CA3: variants seen among roughly 807,000 people sequenced by gnomAD.
CA3 encodes CA-III.
In CA3, 30 loss-of-function variants were observed where a neutral mutation model predicts 35.7. The ratio of observed to expected loss-of-function variants is 0.84; its 90% CI spans 0.63 to 1.14. CA3 has a LOEUF of 1.14. Ranked by LOEUF, CA3 falls within the 50% of genes most tolerant of loss-of-function variation. The probability of loss-of-function intolerance (pLI) is 0.00; values close to 1 mark genes in which losing one functional copy is unlikely to be tolerated. For synonymous variants in CA3, 131 were observed against 130.8 expected (o/e 1.00, Z -0.01); for missense variants, 295 against 328.5 (o/e 0.90, Z 0.79).
In CA3 at chr8:85,444,123, G is replaced by A; in HGVS notation, c.441G>A (p.Leu147=). 1 of 1,600,818 alleles carries A rather than the reference G, an allele frequency of 6.2e-7. No homozygotes were observed. Among genetic ancestry groups the A allele is most frequent in the Admixed American group, 1.7e-5 (1 of 59,954 alleles). The part of the protein sequence containing the change: ...RDGIAVIGIF[L]KIGHENGEFQ... ...GGATCGCTGTGATTGGCATTTTTCT[G>A]AAGGTAAAGTAAAAATTGACTATAT... The change falls in exon 4 of 7, where the codon CTG becomes CTA. Residue 147 remains leucine, a synonymous_variant. Coordinates refer to ENST00000285381, the MANE Select transcript of CA3 (RefSeq NM_005181.4).
At chr8:85,442,378 A>G (rs1811220048) in intron 3 of CA3, 187 bp downstream of exon 3, 2 of 553,356 alleles carry the variant, frequency 3.6e-6, no homozygotes, top group Admixed American at 6.0e-5. Context: ...GTAAAAGGGT[A>G]TAGGTGAGTT....
In CA3 at chr8:85,445,237, C is replaced by A. The variant is rs1431751714; in HGVS notation, c.507+19C>A. ...GACAAAGGTAAACAAAAATCATTTT[C>A]CCTCCTAAAACATAAAGCAGATTAT... On this transcript the variant is annotated intron_variant, in intron 5 of 6. Coordinates refer to ENST00000285381, the MANE Select transcript of CA3 (RefSeq NM_005181.4). 1.3e-6 allele frequency: 2 copies of A among 1,527,724 alleles called. No homozygotes were observed. The highest frequency in any genetic ancestry group is 1.8e-6 in the Non-Finnish European group (2 of 1,113,908). The allele number at this position is 1,527,724 out of a possible 1,614,324, so 94.6% of individuals were successfully genotyped here. A position where few individuals can be genotyped will look rare whatever the true frequency, so the allele number is the denominator to read the frequency against.
In CA3 at chr8:85,442,069, ACAGT is replaced by A; in HGVS notation, c.233-3_233del. 7.3e-7 allele frequency: 1 copy of A among 1,364,196 alleles called. No individual in the cohort carries two copies. The highest frequency in any genetic ancestry group is 1.1e-6 in the Non-Finnish European group (1 of 951,980). The allele number at this position is 1,364,196 out of a possible 1,614,324, so 84.5% of individuals were successfully genotyped here. A position where few individuals can be genotyped will look rare whatever the true frequency, so the allele number is the denominator to read the frequency against. ...ACTGTTGACCAAGCTTATCTGAATC[ACAGT>A]GCTGAGAGGGGGTCCTCTCCCTGGA... On this transcript the variant is annotated splice_acceptor_variant and splice_polypyrimidine_tract_variant and coding_sequence_variant and intron_variant, in exon 3 of 7. Transcript: ENST00000285381. LOFTEE classifies it high-confidence loss of function.
At chr8:85,440,206 A>G (rs1415085136) in intron 2 of CA3, among the ~76,000 whole-genome samples, 2 of 152,234 alleles carry the variant, frequency 1.3e-5, no homozygotes, top group African/African-American at 2.4e-5. Flanking sequence ...TCAAATGAGT[A>G]TTCTTCAGAC....
chr8:85,445,297 T>TC, intron 5 of CA3, 79 bp downstream of exon 5: 1 of 907,256 alleles, frequency 1.1e-6, no homozygotes, highest in South Asian at 1.6e-5. Flanking sequence ...AGTATTTTTT[T>TC]CACCTAAAAT....
intron 5 of CA3, 146 bp from the exon 6 acceptor site, chr8:85,445,996 T>C (rs1370679358): frequency 2.7e-6 from 2 of 731,940 alleles, no homozygotes; most frequent in Non-Finnish European, 2.1e-6. Context: ...TGATCTTTAT[T>C]TCTGAAAGGC....
At chr8:85,441,439 C>T (rs747512837) in intron 2 of CA3, among the ~76,000 whole-genome samples, 1 of 152,092 alleles carries the variant, frequency 6.6e-6, no homozygotes, top group Non-Finnish European at 1.5e-5. Context: ...CTAAATTAGA[C>T]GTAGATGAAA....
At chr8:85,444,624 C>A (rs1033914419) in intron 4 of CA3, among the ~76,000 whole-genome samples, 1 of 152,118 alleles carries the variant, frequency 6.6e-6, no homozygotes, top group African/African-American at 2.4e-5. Flanking sequence ...GTTGAGCCAA[C>A]CTTGCTTTAA....
At chr8:85,445,894 A>T (rs540049529) in intron 5 of CA3, among the ~76,000 whole-genome samples, 8 of 152,344 alleles carry the variant, frequency 5.3e-5, no homozygotes, top group African/African-American at 1.9e-4. Flanking sequence ...ATTATCACAG[A>T]TAGTTCTACT....
intron 4 of CA3, among the ~76,000 whole-genome samples, 168 bp from the exon 5 acceptor site, chr8:85,444,988 T>C (rs1811262704): frequency 6.6e-6 from 1 of 152,220 alleles, no homozygotes; most frequent in South Asian, 2.1e-4. Context: ...AGAAAATATA[T>C]ACTCTAAAAT....
chr8:85,448,099 C>T lies in CA3; in HGVS notation c.729C>T (p.Asn243=). ...AGCCCCCAGTGCCTCTTGTGAGCAA[C>T]TGGCGACCTCCACAGCCTATCAATA... is the stretch of plus-strand genomic sequence containing the variant. ...ENEPPVPLVS[N]WRPPQPINNR... The change falls in exon 7 of 7, where the codon AAC becomes AAT. Residue 243 remains asparagine, a synonymous_variant. Coordinates refer to ENST00000285381, the MANE Select transcript of CA3 (RefSeq NM_005181.4). The T allele has an allele frequency of 6.2e-7, 1 of 1,613,784 alleles. No individual in the cohort carries two copies. Among genetic ancestry groups the T allele is most frequent in the Non-Finnish European group, 8.5e-7 (1 of 1,179,854 alleles).
At chr8:85,440,010 C>T (rs1811186985) in intron 2 of CA3, 101 bp downstream of exon 2, 3 of 806,820 alleles carry the variant, frequency 3.7e-6, no homozygotes, top group Non-Finnish European at 6.0e-6. Context: ...GGAGAGGGAG[C>T]ACTTTATCTT....
At chr8:85,448,000 T>C (rs991487292) in intron 6 of CA3, 34 bp from the exon 7 acceptor site, 1 of 1,591,424 alleles carries the variant, frequency 6.3e-7, no homozygotes, top group African/African-American at 1.3e-5. Flanking sequence ...TTGATCCGAA[T>C]GTCTTGTTAA....
chr8:85,439,001 C>A (rs1208983483), intron 1 of CA3, 58 bp downstream of exon 1: 3 of 1,528,986 alleles, frequency 2.0e-6, no homozygotes, highest in Non-Finnish European at 2.7e-6. Flanking sequence ...GAGAGCCCTG[C>A]CATTGCACAG....
Position 85,438,900 on chromosome 8 carries a change from G to A in CA3, c.-10G>A, listed in dbSNP as rs1217182104. 1.3e-6 allele frequency: 2 copies of A among 1,551,102 alleles called. No individual in the cohort carries two copies. The highest frequency in any genetic ancestry group is 1.7e-6 in the Non-Finnish European group (2 of 1,147,002). ...AAAGCAGGAGCCGTCCAGCACGGAGGAAGGCGACCATGGCCAAGGAGTGGG... is the reference window on the plus strand; with the variant it reads ...AAAGCAGGAGCCGTCCAGCACGGAGAAAGGCGACCATGGCCAAGGAGTGGG... On this transcript the variant is annotated 5_prime_UTR_variant, in exon 1 of 7. Transcript: ENST00000285381.
intron 2 of CA3, 93 bp from the exon 3 acceptor site, chr8:85,441,980 C>T (rs1811213608): frequency 2.6e-6 from 2 of 764,306 alleles, no homozygotes; most frequent in Non-Finnish European, 4.8e-6. Context: ...CACATTTTGT[C>T]CATTAAGCCT....
intron 1 of CA3, among the ~76,000 whole-genome samples, chr8:85,439,423 A>G (rs1412408985): frequency 4.6e-5 from 7 of 152,120 alleles, no homozygotes; most frequent in Admixed American, 3.9e-4. Context: ...TTCCAACTCT[A>G]TGATGGAAGG....
chr8:85,447,798 C>G (rs374019027), intron 6 of CA3, among the ~76,000 whole-genome samples: 3 of 152,134 alleles, frequency 2.0e-5, no homozygotes, highest in East Asian at 1.9e-4. Flanking sequence ...ATTCGGGAGG[C>G]TGAGGCAGGA....
intron 2 of CA3, among the ~76,000 whole-genome samples, chr8:85,440,555 C>G (rs1811194082): frequency 6.6e-6 from 1 of 152,158 alleles, no homozygotes; most frequent in African/African-American, 2.4e-5. Flanking sequence ...AAACAAATCT[C>G]TTTATTTCAC....
Sources: allele counts gnomAD v4.1 joint callset (sites outside exome capture counted in the v4.1 genomes callset), GRCh38; gene constraint gnomAD v4.1.1; transcripts MANE v1.5; gene names NCBI Gene and HGNC (gene_info 2026-07-23, HGNC 2026-07-21).